SHISA9: variants seen among roughly 807,000 people sequenced by gnomAD.
The protein encoded by SHISA9 is protein shisa-9.
In SHISA9, 13 loss-of-function variants were observed where a neutral mutation model predicts 38.0. The observed-to-expected ratio is 0.34, with a 90% CI of 0.22 to 0.54. The LOEUF (loss-of-function observed/expected upper bound fraction) is 0.54, where lower values mean the gene tolerates loss of function less well. Ranked by LOEUF, SHISA9 falls within the 20% of genes least tolerant of loss-of-function variation. The pLI, the probability that SHISA9 is intolerant of heterozygous loss-of-function variation, is 0.91. For synonymous variants in SHISA9, 275 were observed against 242.0 expected (o/e 1.14, Z -1.27); for missense variants, 538 against 575.8 (o/e 0.93, Z 0.67).
At chr16:12,921,984 A>G (rs936115733) in intron 2 of SHISA9, among the ~76,000 whole-genome samples, 15 of 152,204 alleles carry the variant, frequency 9.9e-5, no homozygotes, top group Non-Finnish European at 1.8e-4. Flanking sequence ...GGGGAAACTG[A>G]GGCTCAGAGT....
chr16:13,004,880 C>G (rs999063059), intron 2 of SHISA9, among the ~76,000 whole-genome samples: 4 of 148,080 alleles, frequency 2.7e-5, no homozygotes, highest in Non-Finnish European at 5.9e-5. Context: ...TGCAGTGAGC[C>G]TAGATCATGC....
chr16:13,417,886 GC>G, the SHISA9 span, among the ~76,000 whole-genome samples: 1 of 152,210 alleles, frequency 6.6e-6, no homozygotes, highest in East Asian at 1.9e-4. Context: ...GATGCTTGAA[GC>G]TTTGGTGTGG....
At chr16:13,100,033 A>G (rs567601362) in intron 2 of SHISA9, among the ~76,000 whole-genome samples, 67 of 152,304 alleles carry the variant, frequency 4.4e-4, no homozygotes, top group African/African-American at 1.5e-3. Context: ...TGGGGACTGT[A>G]GCAAAGTGAG....
At chr16:13,295,892 G>C in the SHISA9 span, among the ~76,000 whole-genome samples, 2 of 152,178 alleles carry the variant, frequency 1.3e-5, no homozygotes, top group East Asian at 1.9e-4. Context: ...AAAAATTTCT[G>C]TCGGAGCTTT....
At chr16:13,025,223 C>T (rs768367664) in intron 2 of SHISA9, among the ~76,000 whole-genome samples, 2 of 152,106 alleles carry the variant, frequency 1.3e-5, no homozygotes, top group South Asian at 2.1e-4. Context: ...TATTACTTTC[C>T]TCTATCTTTC....
intron 2 of SHISA9, among the ~76,000 whole-genome samples, chr16:13,163,125 G>C (rs1387078398): frequency 6.6e-6 from 1 of 152,150 alleles, no homozygotes; most frequent in Admixed American, 6.5e-5. Context: ...GCTTACCTGA[G>C]TCTCAGTTTC....
chr16:13,364,323 C>CA, the SHISA9 span, among the ~76,000 whole-genome samples: 1 of 152,158 alleles, frequency 6.6e-6, no homozygotes, highest in Admixed American at 6.5e-5. Flanking sequence ...GAAGGAAAAG[C>CA]AATTGTCTCT....
chr16:13,384,339 T>A, the SHISA9 span, among the ~76,000 whole-genome samples: 1 of 152,170 alleles, frequency 6.6e-6, no homozygotes, highest in Non-Finnish European at 1.5e-5. Flanking sequence ...TAGGAAATAA[T>A]CTCCATTTTG....
the SHISA9 span, among the ~76,000 whole-genome samples, chr16:13,483,364 A>T: frequency 2.0e-5 from 3 of 152,170 alleles, no homozygotes; most frequent in African/African-American, 7.2e-5. Context: ...CTTTACAGAA[A>T]TTGGAAGGAA....
intron 1 of SHISA9, among the ~76,000 whole-genome samples, chr16:12,907,749 A>C (rs1331329957): frequency 6.6e-5 from 10 of 152,084 alleles, no homozygotes. Flanking sequence ...AAACTGGGAG[A>C]TTTCACGCAG....
chr16:13,542,375 A>G, the SHISA9 span, among the ~76,000 whole-genome samples: 1 of 152,220 alleles, frequency 6.6e-6, no homozygotes, highest in Admixed American at 6.5e-5. Context: ...GAACTTTCAC[A>G]ACCATCCTAA....
chr16:13,046,097 T>G (rs928208991), intron 2 of SHISA9, among the ~76,000 whole-genome samples: 1 of 152,214 alleles, frequency 6.6e-6, no homozygotes, highest in Non-Finnish European at 1.5e-5. Flanking sequence ...GTGATGCTGA[T>G]GCAGGATAGA....
the SHISA9 span, among the ~76,000 whole-genome samples, chr16:13,308,789 G>A: frequency 6.6e-6 from 1 of 152,178 alleles, no homozygotes; most frequent in African/African-American, 2.4e-5. Flanking sequence ...CATCCTCTTA[G>A]GGTTCCAACT....
chr16:13,069,221 A>G (rs1052428493), intron 2 of SHISA9, among the ~76,000 whole-genome samples: 12 of 151,412 alleles, frequency 7.9e-5, no homozygotes, highest in Admixed American at 3.3e-4. Flanking sequence ...CAATGTGTGT[A>G]TGTATGCATG....
intron 1 of SHISA9, among the ~76,000 whole-genome samples, chr16:12,908,188 GA>G (rs2071129215): frequency 6.6e-6 from 1 of 151,956 alleles, no homozygotes; most frequent in African/African-American, 2.4e-5. Flanking sequence ...CTTGTCTACT[GA>G]AGAGAATTAT....
intron 2 of SHISA9, among the ~76,000 whole-genome samples, chr16:13,107,248 A>G (rs2086376405): frequency 6.6e-6 from 1 of 152,064 alleles, no homozygotes; most frequent in South Asian, 2.1e-4. Flanking sequence ...CCTGGCCAAC[A>G]TGGTGAAATC....
chr16:13,415,871 A>C, the SHISA9 span, among the ~76,000 whole-genome samples: 1 of 152,358 alleles, frequency 6.6e-6, no homozygotes, highest in East Asian at 1.9e-4. Context: ...TATGAAACGA[A>C]AAAAAGAGTA....
At position 12,934,458 on chromosome 16, in the gene SHISA9, T is replaced by G. The variant is rs564989757; in HGVS notation, c.691+17643T>G. ...CCATTTACATTTATGTTCATCCCAG[T>G]GTTTTTCAAACTGATATATCCATTA... On this transcript the variant is annotated intron_variant, in intron 2 of 4. Transcript: ENST00000558583. Among the ~76,000 whole-genome samples the G allele has an allele frequency of 1.9e-3, 296 of 152,366 alleles. 1 individual carries two copies. Among genetic ancestry groups the G allele is most frequent in the African/African-American group, 6.7e-3 (277 of 41,590 alleles).
the SHISA9 span, among the ~76,000 whole-genome samples, chr16:13,410,162 T>C: frequency 6.6e-6 from 1 of 152,216 alleles, no homozygotes; most frequent in Admixed American, 6.5e-5. Context: ...CTATTCTGGG[T>C]GAACAAAGCT....
Sources: allele counts gnomAD v4.1 joint callset (sites outside exome capture counted in the v4.1 genomes callset), GRCh38; gene constraint gnomAD v4.1.1; transcripts MANE v1.5; gene names NCBI Gene and HGNC (gene_info 2026-07-23, HGNC 2026-07-21).